PCDHA3: variants seen among roughly 807,000 people sequenced by gnomAD.
PCDHA3 encodes the protein protocadherin alpha 3.
A neutral mutation model predicts 62.2 loss-of-function variants in PCDHA3; 41 were observed. The observed-to-expected ratio is 0.66, with a 90% CI of 0.51 to 0.86. PCDHA3 has a LOEUF of 0.86. Among genes scored for constraint, PCDHA3 ranks in the 40% least tolerant of loss-of-function variants. PCDHA3 has a pLI of 0.00. For missense variants in PCDHA3, 1,304 were observed against 1,241.2 expected, an observed-to-expected ratio of 1.05 and a Z score of -0.76; for synonymous variants, 640 against 555.4, an observed-to-expected ratio of 1.15 and a Z score of -2.14.
In PCDHA3 at chr5:140,967,909, C is replaced by T. The variant is rs140881563; in HGVS notation, c.2395-11040C>T. The T allele has an allele frequency of 5.0e-5, 81 of 1,614,206 alleles. No individual in the cohort carries two copies. In the African/African-American group the frequency reaches 9.1e-4, roughly 18 times the overall value. ...CAGTGCCTGAGAATGCTACACCCAACACCATTGTGGCCGTTCTCAGTGTCA... is the reference window on the plus strand; with the variant it reads ...CAGTGCCTGAGAATGCTACACCCAATACCATTGTGGCCGTTCTCAGTGTCA... On this transcript the variant is annotated intron_variant, in intron 1 of 3. Coordinates refer to ENST00000522353, the MANE Select transcript of PCDHA3 (RefSeq NM_018906.3).
rs558801074 is a variant in PCDHA3 at position 140,931,826 on chromosome 5, G to A, written c.2395-47123G>A. On this transcript the variant is annotated intron_variant, in intron 1 of 3. Transcript: ENST00000522353. ...TCTTTAGAAAAGAATTCTTGTCATA[G>A]TATCCTGAATGCCTTAATAACAACA... Among the ~76,000 whole-genome samples, 28 of 151,962 alleles carry A rather than the reference G, an allele frequency of 1.8e-4. No homozygotes were observed. In the South Asian group the frequency reaches 5.4e-3, roughly 29 times the overall value.
chr5:140,830,101 G>A (rs2150181157), intron 1 of PCDHA3: 1 of 1,613,650 alleles, frequency 6.2e-7, no homozygotes, highest in Admixed American at 1.7e-5. Flanking sequence ...TGTCGCTGGT[G>A]GAGAGTGGCC....
chr5:140,943,525 T>C (rs891940980), intron 1 of PCDHA3, among the ~76,000 whole-genome samples: 7 of 152,148 alleles, frequency 4.6e-5, no homozygotes, highest in African/African-American at 7.2e-5. Flanking sequence ...GAGTTCAGTA[T>C]GCAAAATGTC....
intron 1 of PCDHA3, chr5:140,805,788 G>A (rs1234435404): frequency 1.1e-5 from 2 of 179,986 alleles, no homozygotes; most frequent in Non-Finnish European, 2.1e-5. Flanking sequence ...GACTTTTTTT[G>A]TATCTTTAGA....
rs1554122668 is a variant in PCDHA3, at chr5:140,803,236, C to G, written c.2039C>G (p.Ser680Cys). The change falls in exon 1 of 4, where the codon TCC becomes TGC. Residue 680 changes from serine (S) to cysteine (C), a missense_variant. By Grantham distance (112) the Ser-to-Cys change is moderately radical. Coordinates refer to ENST00000522353, the MANE Select transcript of PCDHA3 (RefSeq NM_018906.3). ...AGTGGCCAGGCACCCAAGGCCTCGT[C>G]CCAGGCGTCCGCTGGCGCCACGGGC... ...VESGQAPKAS[S>C]QASAGATGPE... 6.2e-7 allele frequency: 1 copy of G among 1,613,802 alleles called. No homozygotes were observed. The highest frequency in any genetic ancestry group is 2.2e-5 in the East Asian group (1 of 44,882).
At chr5:140,856,849 T>G (rs1327483649) in intron 1 of PCDHA3, 1 of 1,593,444 alleles carries the variant, frequency 6.3e-7, no homozygotes, top group African/African-American at 1.3e-5. Flanking sequence ...ACGCTTCTGA[T>G]TCGGATGAAG....
chr5:140,856,012 G>A lies in PCDHA3; in HGVS notation c.2394+52421G>A, dbSNP rs1158329125. 3 of 1,546,896 alleles carry A rather than the reference G, an allele frequency of 1.9e-6. No homozygotes were observed. The East Asian group carries it at 6.8e-5, about 35-fold the overall frequency. ...TCAGATCGTATGTGCGTTCTAGACC[G>A]CTGATTCGTCGATTTGTAAAACAAG... is the stretch of plus-strand genomic sequence containing the variant. On this transcript the variant is annotated intron_variant, in intron 1 of 3. Coordinates refer to ENST00000522353, the MANE Select transcript of PCDHA3 (RefSeq NM_018906.3).
intron 1 of PCDHA3, among the ~76,000 whole-genome samples, chr5:140,935,507 G>A (rs2090409706): frequency 6.6e-6 from 1 of 152,138 alleles, no homozygotes. Context: ...CCTTACAAAT[G>A]CCCAGTAGGC....
At chr5:140,807,718 CT>C (rs1227381319) in intron 1 of PCDHA3, 1 of 1,614,230 alleles carries the variant, frequency 6.2e-7, no homozygotes, top group Non-Finnish European at 8.5e-7. Flanking sequence ...CAAATGAATA[CT>C]TTTCTCTGGA....
intron 1 of PCDHA3, chr5:140,804,878 A>G: frequency 7.2e-6 from 4 of 558,496 alleles, no homozygotes; most frequent in Non-Finnish European, 8.8e-6. Flanking sequence ...ATTTTTCTTG[A>G]CTCCTCTCCT....
At chr5:140,895,206 AT>A (rs2064913908) in intron 1 of PCDHA3, among the ~76,000 whole-genome samples, 1 of 151,808 alleles carries the variant, frequency 6.6e-6, no homozygotes, top group Non-Finnish European at 1.5e-5. Flanking sequence ...ATTTGCTTTT[AT>A]TTCTAATATT....
chr5:140,966,750 C>A, intron 1 of PCDHA3: 1 of 1,428,438 alleles, frequency 7.0e-7, no homozygotes, highest in South Asian at 1.5e-5. Flanking sequence ...CGGCTGCCTC[C>A]GCCGCGGCCA....
intron 1 of PCDHA3, chr5:140,807,427 G>A: frequency 6.3e-7 from 1 of 1,596,236 alleles, no homozygotes; most frequent in Non-Finnish European, 8.5e-7. Flanking sequence ...TAAATCTGCA[G>A]AATGGCATTT....
intron 1 of PCDHA3, among the ~76,000 whole-genome samples, chr5:140,973,010 T>C (rs2096567986): frequency 6.6e-6 from 1 of 152,080 alleles, no homozygotes; most frequent in Admixed American, 6.6e-5. Context: ...GGTCGTGGTG[T>C]TGTGATTGTT....
intron 1 of PCDHA3, among the ~76,000 whole-genome samples, chr5:140,839,798 G>C (rs1186676408): frequency 6.6e-6 from 1 of 151,960 alleles, no homozygotes; most frequent in Non-Finnish European, 1.5e-5. Context: ...ATTTGGAGGA[G>C]CTCTTAATTG....
intron 1 of PCDHA3, chr5:140,848,835 C>T: frequency 6.3e-7 from 1 of 1,590,448 alleles, no homozygotes; most frequent in African/African-American, 1.4e-5. Context: ...AGACAGGCCG[C>T]TGCAGGTTTT....
chr5:140,860,192 C>CATATATATATATAT (rs143984774), intron 1 of PCDHA3: 1 of 146,860 alleles, frequency 6.8e-6, no homozygotes, highest in African/African-American at 2.5e-5. Context: ...GCTCTCCTTA[C>CATATATATATATAT]ATATATATCT....
chr5:140,867,187 G>C (rs1219646479), intron 1 of PCDHA3: 1 of 152,072 alleles, frequency 6.6e-6, no homozygotes, highest in Non-Finnish European at 1.5e-5. Context: ...TACCTCGCAA[G>C]ACTCCACATT....
At chr5:140,901,485 C>T (rs894282962) in intron 1 of PCDHA3, among the ~76,000 whole-genome samples, 1 of 152,086 alleles carries the variant, frequency 6.6e-6, no homozygotes, top group African/African-American at 2.4e-5. Context: ...GTTCTTGGCA[C>T]CTTCATCGAA....
Sources: gnomAD v4.1 joint callset for allele counts (sites outside exome capture counted in the v4.1 genomes callset) on GRCh38, gnomAD v4.1.1 for gene constraint, MANE v1.5 for transcripts, NCBI Gene and HGNC (gene_info 2026-07-23, HGNC 2026-07-21) for gene names.